Variants in ZNF174 observed in about 807,000 individuals in gnomAD.
The protein encoded by ZNF174 is AW-1.
Under a neutral mutation model 38.7 loss-of-function variants are expected in ZNF174, and 30 were observed. The observed-to-expected ratio is 0.78, with a 90% CI of 0.58 to 1.05. The LOEUF is 1.05. ZNF174 is among the 50% of genes least tolerant of loss of function. The pLI is 0.00. For synonymous variants in ZNF174, 201 were observed against 181.7 expected (o/e 1.11, Z -0.86); for missense variants, 499 against 495.6 (o/e 1.01, Z -0.06).
At chr16:3,405,043 A>C (rs1256411425) in intron 2 of ZNF174, 1 of 1,592,044 alleles carries the variant, frequency 6.3e-7, no homozygotes, top group African/African-American at 1.4e-5. Flanking sequence ...CCTATATCTT[A>C]TATCTTTGTC....
At chr16:3,406,064 T>G (rs1322476923) in intron 2 of ZNF174, among the ~76,000 whole-genome samples, 1 of 152,242 alleles carries the variant, frequency 6.6e-6, no homozygotes, top group African/African-American at 2.4e-5. Flanking sequence ...TGTGTGTGGC[T>G]TCTTTCACTG....
intron 2 of ZNF174, 81 bp from the exon 3 acceptor site, chr16:3,408,240 A>G: frequency 7.1e-7 from 1 of 1,403,132 alleles, no homozygotes; most frequent in South Asian, 1.4e-5. Flanking sequence ...CCTTTGAGAA[A>G]CCTCTCAGAG....
rs200401645 is a variant in ZNF174 at position 3,408,401 on chromosome 16, G to C, written c.706G>C (p.Ala236Pro). ...AKGAKPCAVS[A>P]GRSKGNGLQN... Reference sequence around the variant, plus strand: ...AGGAGCAAAGCCATGTGCAGTGTCAGCTGGCAGATCCAAAGGGAATGGTCT... The same window carrying C: ...AGGAGCAAAGCCATGTGCAGTGTCACCTGGCAGATCCAAAGGGAATGGTCT... The change falls in exon 3 of 3, where the codon GCT becomes CCT. Residue 236 changes from alanine to proline, a missense_variant. Coordinates refer to ENST00000268655, the MANE Select transcript of ZNF174 (RefSeq NM_003450.3). 1 of 1,614,216 alleles carries C rather than the reference G, an allele frequency of 6.2e-7. No homozygotes were observed. Among genetic ancestry groups the C allele is most frequent in the Non-Finnish European group, 8.5e-7 (1 of 1,180,046 alleles).
At chr16:3,402,454 T>TTC (rs375136730) in intron 1 of ZNF174, 48 bp downstream of exon 1, 28 of 1,070,182 alleles carry the variant, frequency 2.6e-5, no homozygotes, top group Non-Finnish European at 3.1e-5. Flanking sequence ...TTTTCTTTTC[T>TTC]TTTTTTTTTT....
intron 2 of ZNF174, among the ~76,000 whole-genome samples, chr16:3,407,914 C>T (rs1197546221): frequency 2.0e-5 from 3 of 152,254 alleles, no homozygotes; most frequent in Non-Finnish European, 4.4e-5. Flanking sequence ...CATTGGACTA[C>T]AGCAGTAAAA....
In ZNF174 at chr16:3,408,828, G is replaced by A; in HGVS notation, c.1133G>A (p.Gly378Glu). 1.9e-6 allele frequency: 3 copies of A among 1,614,184 alleles called. No individual in the cohort carries two copies. The highest frequency in any genetic ancestry group is 2.5e-6 in the Non-Finnish European group (3 of 1,180,038). Reference sequence around the variant, plus strand: ...AAGCTGCACCAGAGGATCCACACTGGAGAGAAGCCATACCAGTGTGGCCAG... The same window carrying A: ...AAGCTGCACCAGAGGATCCACACTGAAGAGAAGCCATACCAGTGTGGCCAG... ...TLKLHQRIHT[G>E]EKPYQCGQCG... Residue 378 changes from glycine (G) to glutamate (E), a missense_variant, in exon 3 of 3, where the codon GGA (glycine) becomes GAA (glutamate). Coordinates refer to ENST00000268655, the MANE Select transcript of ZNF174 (RefSeq NM_003450.3).
chr16:3,407,016 T>C (rs2034065573), intron 2 of ZNF174, among the ~76,000 whole-genome samples: 1 of 152,238 alleles, frequency 6.6e-6, no homozygotes. Context: ...TGTCTTAATC[T>C]GATCAGGCTC....
chr16:3,406,218 G>T (rs1244862964), intron 2 of ZNF174, among the ~76,000 whole-genome samples: 2 of 152,090 alleles, frequency 1.3e-5, no homozygotes, highest in Non-Finnish European at 2.9e-5. Context: ...TTTTTGGGTT[G>T]TTTCTACTTT....
In ZNF174 at chr16:3,404,854, A is replaced by T. The variant is rs2034030407; in HGVS notation, c.625+206A>T. The T allele has an allele frequency of 1.9e-6, 3 of 1,595,186 alleles. No homozygotes were observed. In the Admixed American group the frequency reaches 5.4e-5, roughly 29 times the overall value. ...TGTTTTTATCGTTTTCTGTTAATGA[A>T]AATTTAAGAATCCAGTGCATGACAG... On this transcript the variant is annotated intron_variant, in intron 2 of 2. Coordinates refer to ENST00000268655, the MANE Select transcript of ZNF174 (RefSeq NM_003450.3).
At chr16:3,406,676 A>AT (rs1236246199) in intron 2 of ZNF174, among the ~76,000 whole-genome samples, 1 of 152,236 alleles carries the variant, frequency 6.6e-6, no homozygotes, top group East Asian at 1.9e-4. Flanking sequence ...TCTAGATACT[A>AT]GACCCTTATG....
In ZNF174 at chr16:3,404,449, A is replaced by C; in HGVS notation, c.426A>C (p.Gln142His). The change falls in exon 2 of 3, where the codon CAA (glutamine) becomes CAC (histidine). Residue 142 changes from glutamine (Q) to histidine (H), a missense_variant. Transcript: ENST00000268655. Reference protein sequence around the residue: ...KQWVAVCMQGQKVLLEKTGSQ... With the variant: ...KQWVAVCMQGHKVLLEKTGSQ... ...AGGTGGCCGTTTGTATGCAGGGGCA[A>C]AAGGTGCTCTTGGAGAAAACTGGAT... 6.2e-7 allele frequency: 1 copy of C among 1,609,160 alleles called. No individual in the cohort carries two copies. Among genetic ancestry groups the C allele is most frequent in the Non-Finnish European group, 8.5e-7 (1 of 1,176,114 alleles).
intron 1 of ZNF174, among the ~76,000 whole-genome samples, chr16:3,403,166 T>C (rs1188258050): frequency 1.8e-5 from 2 of 109,052 alleles, no homozygotes; most frequent in African/African-American, 3.8e-5. Flanking sequence ...TTTTTTTTTT[T>C]TTTTTTTTTT....
At position 3,409,276 on chromosome 16, in the gene ZNF174, C is replaced by A. The variant is rs374655974; in HGVS notation, c.*357C>A. 9.9e-5 allele frequency: 22 copies of A among 221,830 alleles called. 1 individual carries two copies. In the East Asian group the frequency reaches 1.6e-3, roughly 16 times the overall value. The allele number at this position is 221,830 out of a possible 1,614,324, so 13.7% of individuals were successfully genotyped here. ...TCTAAAATATGTTAAGGGATAAATT[C>A]TATATATATAGTTATGCATTTGCTG... is the stretch of plus-strand genomic sequence containing the variant. On this transcript the variant is annotated 3_prime_UTR_variant, in exon 3 of 3. Coordinates refer to ENST00000268655, the MANE Select transcript of ZNF174 (RefSeq NM_003450.3).
At chr16:3,403,579 A>C (rs543959637) in intron 1 of ZNF174, among the ~76,000 whole-genome samples, 1 of 150,024 alleles carries the variant, frequency 6.7e-6, no homozygotes, top group South Asian at 2.1e-4. Flanking sequence ...CTCCATGTCC[A>C]GCTCAAGTGT....
Position 3,401,896 on chromosome 16 carries a change from A to T in ZNF174, c.-109A>T, listed in dbSNP as rs1162642429. The T allele has an allele frequency of 1.1e-5, 15 of 1,391,338 alleles. No individual in the cohort carries two copies. Among genetic ancestry groups the T allele is most frequent in the Non-Finnish European group, 1.4e-5 (14 of 1,019,628 alleles). 86.2% of individuals were successfully genotyped at this position (1,391,338 alleles called of 1,614,324 possible). On this transcript the variant is annotated 5_prime_UTR_variant, in exon 1 of 3. Coordinates refer to ENST00000268655, the MANE Select transcript of ZNF174 (RefSeq NM_003450.3). ...GCATCCCGTTCCCCCTAACATCCTC[A>T]GAGAACCTTCGTTTCTAGAATCTTT...
intron 2 of ZNF174, among the ~76,000 whole-genome samples, chr16:3,406,869 G>A (rs1481827112): frequency 6.6e-6 from 1 of 152,108 alleles, no homozygotes; most frequent in Non-Finnish European, 1.5e-5. Flanking sequence ...TACAGCTATG[G>A]TTTCTTCAAG....
chr16:3,401,861 CTT>C lies in ZNF174; in HGVS notation c.-142_-141del. 1.9e-6 allele frequency: 2 copies of C among 1,031,692 alleles called. No homozygotes were observed. The highest frequency in any genetic ancestry group is 2.8e-6 in the Non-Finnish European group (2 of 710,440). The allele number at this position is 1,031,692 out of a possible 1,614,324, so 63.9% of individuals were successfully genotyped here. ...GGCTAGTAAAGGCTAGCAAGTGAGG[CTT>C]TGTCTCTGCATCCCGTTCCCCCTAA... On this transcript the variant is annotated 5_prime_UTR_variant, in exon 1 of 3. Transcript: ENST00000268655.
chr16:3,406,842 C>G (rs1213558213), intron 2 of ZNF174, among the ~76,000 whole-genome samples: 1 of 152,138 alleles, frequency 6.6e-6, no homozygotes, highest in Non-Finnish European at 1.5e-5. Context: ...ACTGCCTAAT[C>G]CAAGGGCACA....
rs1322550358 is a variant in ZNF174, at chr16:3,409,121, G to A, written c.*202G>A. The A allele has an allele frequency of 5.1e-6, 3 of 593,092 alleles. No homozygotes were observed. The highest frequency in any genetic ancestry group is 1.9e-5 in the African/African-American group (1 of 53,964). The allele number at this position is 593,092 out of a possible 1,614,324, so 36.7% of individuals were successfully genotyped here. Reference sequence around the variant, plus strand: ...TGCATGATGACAGGGTGAAGAGAAGGCAGGTCTGGGCACTGGGGCAAAGAG... The same window carrying A: ...TGCATGATGACAGGGTGAAGAGAAGACAGGTCTGGGCACTGGGGCAAAGAG... On this transcript the variant is annotated 3_prime_UTR_variant, in exon 3 of 3. Transcript: ENST00000268655.
Sources: allele counts gnomAD v4.1 joint callset (sites outside exome capture counted in the v4.1 genomes callset), GRCh38; gene constraint gnomAD v4.1.1; transcripts MANE v1.5; gene names NCBI Gene and HGNC (gene_info 2026-07-23, HGNC 2026-07-21).